Variants in NOVA1 observed in about 807,000 individuals in gnomAD.
The protein encoded by NOVA1 is NOVA alternative splicing regulator 1.
A neutral mutation model predicts 38.0 loss-of-function variants in NOVA1; 7 were observed. That is an observed-to-expected ratio of 0.18 (90% CI 0.10 to 0.35). NOVA1 has a LOEUF of 0.35. Among genes scored for constraint, NOVA1 ranks in the 10% least tolerant of loss-of-function variants. The probability of loss-of-function intolerance (pLI) is 1.00; values close to 1 mark genes in which losing one functional copy is unlikely to be tolerated. For missense variants in NOVA1, 460 were observed against 616.0 expected (o/e 0.75, Z 2.68); for synonymous variants, 270 against 232.5 (o/e 1.16, Z -1.47).
At chr14:26,545,661 C>T (rs1363095740) in intron 2 of NOVA1, among the ~76,000 whole-genome samples, 1 of 151,976 alleles carries the variant, frequency 6.6e-6, no homozygotes, top group Non-Finnish European at 1.5e-5. Flanking sequence ...ATTGTTTTTT[C>T]CTCACAACAA....
intron 2 of NOVA1, among the ~76,000 whole-genome samples, chr14:26,512,833 T>C (rs939189266): frequency 5.5e-5 from 1 of 18,122 alleles, no homozygotes; most frequent in Non-Finnish European, 5.1e-3. Context: ...AATTTACATA[T>C]CATAAGAGGT....
intron 2 of NOVA1, among the ~76,000 whole-genome samples, chr14:26,509,993 A>G (rs944608140): frequency 1.3e-5 from 2 of 152,130 alleles, no homozygotes; most frequent in African/African-American, 2.4e-5. Context: ...ATGGTCTTTC[A>G]TTCAGAGTAC....
rs188223627 is a variant in NOVA1 at position 26,586,692 on chromosome 14, C to T, written c.280+8718G>A. Among the ~76,000 whole-genome samples the T allele has an allele frequency of 5.1e-3, 772 of 151,042 alleles. 3 individuals are homozygous for T. Among genetic ancestry groups the T allele is most frequent in the Non-Finnish European group, 9.1e-3 (612 of 67,274 alleles). ...AGAAAAATAACAATGCTGCAGAAAT[C>T]TAATCACCATAAAAACACTGCCACT... On this transcript the variant is annotated intron_variant, in intron 2 of 4. Coordinates refer to ENST00000539517, the MANE Select transcript of NOVA1 (RefSeq NM_002515.3).
intron 4 of NOVA1, among the ~76,000 whole-genome samples, chr14:26,454,266 G>A (rs984230415): frequency 6.6e-6 from 1 of 152,174 alleles, no homozygotes; most frequent in African/African-American, 2.4e-5. Context: ...TGCTTTAGAA[G>A]TAAAAACATG....
At chr14:26,538,824 T>C (rs1890273144) in intron 2 of NOVA1, among the ~76,000 whole-genome samples, 1 of 152,188 alleles carries the variant, frequency 6.6e-6, no homozygotes, top group Admixed American at 6.5e-5. Context: ...CTTACTGATC[T>C]GGCCTGTACA....
intron 2 of NOVA1, among the ~76,000 whole-genome samples, chr14:26,505,206 C>CGT (rs1412776984): frequency 1.3e-5 from 2 of 152,136 alleles, no homozygotes; most frequent in Non-Finnish European, 2.9e-5. Context: ...TTTGAATGAG[C>CGT]TAAACGGTAA....
At chr14:26,552,364 T>TA (rs943577594) in intron 2 of NOVA1, among the ~76,000 whole-genome samples, 5 of 152,122 alleles carry the variant, frequency 3.3e-5, no homozygotes, top group Admixed American at 6.6e-5. Context: ...AAGTATTTTA[T>TA]AAAAAAATAA....
chr14:26,558,810 T>C (rs1594533414), intron 2 of NOVA1, among the ~76,000 whole-genome samples: 1 of 152,136 alleles, frequency 6.6e-6, no homozygotes, highest in East Asian at 1.9e-4. Flanking sequence ...ATACATAAGG[T>C]TATATTTTTA....
rs147331480 is a variant in NOVA1 at position 26,541,732 on chromosome 14, T to A, written c.280+53678A>T. On this transcript the variant is annotated intron_variant, in intron 2 of 4. Transcript: ENST00000539517. ...AAATGTATTTTACTGATGTTGTAAA[T>A]AGAATGTTTGAATTATTGCAAGGGT... Among the ~76,000 whole-genome samples, 11 of 151,648 alleles carry A rather than the reference T, an allele frequency of 7.3e-5. 1 individual carries two copies. The East Asian group carries it at 2.1e-3, about 29-fold the overall frequency.
At position 26,446,127 on chromosome 14, in the gene NOVA1, TAAATG is replaced by T. The variant is rs532451568; in HGVS notation, c.*1827_*1831del. 2.0e-5 allele frequency: 3 copies of T among 147,998 alleles called. No homozygotes were observed. Among genetic ancestry groups the T allele is most frequent in the Non-Finnish European group, 3.0e-5 (2 of 67,018 alleles). The allele number at this position is 147,998 out of a possible 1,614,324, so 9.2% of individuals were successfully genotyped here. ...ATAAATATTTAGAGATAGAGAACTC[TAAATG>T]AAATAACAGTCCAATGTTAAAAACT... On this transcript the variant is annotated 3_prime_UTR_variant, in exon 5 of 5. Transcript: ENST00000539517.
intron 2 of NOVA1, among the ~76,000 whole-genome samples, chr14:26,580,846 T>C (rs1020320746): frequency 2.0e-5 from 3 of 152,094 alleles, no homozygotes; most frequent in Admixed American, 6.6e-5. Flanking sequence ...AAAATCCTTA[T>C]ATAAATGTTG....
At chr14:26,563,751 AAAGC>A (rs1156554035) in intron 2 of NOVA1, among the ~76,000 whole-genome samples, 3 of 152,172 alleles carry the variant, frequency 2.0e-5, no homozygotes, top group Non-Finnish European at 4.4e-5. Context: ...AAAAAAAGTA[AAAGC>A]AAGCATTGGA....
At chr14:26,523,852 G>A (rs1211172749) in intron 2 of NOVA1, among the ~76,000 whole-genome samples, 2 of 147,092 alleles carry the variant, frequency 1.4e-5, no homozygotes, top group African/African-American at 2.5e-5. Context: ...CCGGGTTCAC[G>A]CCATTCTCCT....
At chr14:26,559,785 A>G (rs1300972609) in intron 2 of NOVA1, among the ~76,000 whole-genome samples, 2 of 152,254 alleles carry the variant, frequency 1.3e-5, no homozygotes, top group African/African-American at 4.8e-5. Flanking sequence ...GTACAAATAT[A>G]CAGTTTGATA....
intron 4 of NOVA1, among the ~76,000 whole-genome samples, chr14:26,464,820 A>G (rs1170716540): frequency 6.6e-6 from 1 of 152,154 alleles, no homozygotes; most frequent in Non-Finnish European, 1.5e-5. Context: ...AATTATAGTA[A>G]GTCTATCCAT....
At chr14:26,511,455 G>A (rs1207530767) in intron 2 of NOVA1, among the ~76,000 whole-genome samples, 2 of 152,060 alleles carry the variant, frequency 1.3e-5, no homozygotes, top group Non-Finnish European at 2.9e-5. Context: ...AAAATTTGCA[G>A]ATAGGGTATT....
chr14:26,576,207 T>C (rs1167630044), intron 2 of NOVA1, among the ~76,000 whole-genome samples: 1 of 151,956 alleles, frequency 6.6e-6, no homozygotes, highest in African/African-American at 2.4e-5. Flanking sequence ...AAGCTAACTG[T>C]GTCTTCTAAG....
intron 2 of NOVA1, among the ~76,000 whole-genome samples, chr14:26,505,167 C>T (rs178190): frequency 0.93 from 142,223 of 152,248 alleles, 67,154 homozygotes; most frequent in East Asian, 1. Context: ...GCAACATGAA[C>T]GCTGCACAAT....
At chr14:26,453,418 C>T (rs1325798730) in intron 4 of NOVA1, among the ~76,000 whole-genome samples, 1 of 151,892 alleles carries the variant, frequency 6.6e-6, no homozygotes, top group African/African-American at 2.4e-5. Context: ...TTAAACCTTC[C>T]TTATTCTAGA....
Sources: gnomAD v4.1 joint callset for allele counts (sites outside exome capture counted in the v4.1 genomes callset) on GRCh38, gnomAD v4.1.1 for gene constraint, MANE v1.5 for transcripts, NCBI Gene and HGNC (gene_info 2026-07-23, HGNC 2026-07-21) for gene names.